The following PKD1 variants were observed in gnomAD, a reference collection of about 807,000 sequenced individuals.
PKD1 encodes the protein polycystin-1.
In PKD1, 81 loss-of-function variants were observed where a neutral mutation model predicts 361.7. The ratio of observed to expected loss-of-function variants is 0.22; its 90% CI spans 0.19 to 0.27. The LOEUF is 0.27. Among genes scored for constraint, PKD1 ranks in the 10% least tolerant of loss-of-function variants. The pLI is 1.00. For missense variants in PKD1, 6,399 were observed against 6,118.3 expected (o/e 1.05, Z -1.53); for synonymous variants, 3,615 against 2,818.3 (o/e 1.28, Z -8.95).
Position 2,116,549 on chromosome 16 carries a change from C to A in PKD1, c.1702G>T (p.Ala568Ser). ...TPLAQQDGLS[A>S]PHEPVEVMVF... ...ACTACCTCCACGGGCTCGTGCGGGG[C>A]TGAGAGGCCGTCCTGCTGTGCCAGA... The change falls in exon 8 of 46, where the codon GCC (alanine) becomes TCC (serine). Residue 568 changes from alanine (A) to serine (S), a missense_variant. Ala to Ser is a moderately conservative substitution (Grantham distance 99). Transcript: ENST00000262304. The A allele has an allele frequency of 6.4e-7, 1 of 1,554,344 alleles. No individual in the cohort carries two copies.
At position 2,114,420 on chromosome 16, in the gene PKD1, G is replaced by A; in HGVS notation, c.2603C>T (p.Ala868Val). 1.9e-6 allele frequency: 3 copies of A among 1,602,884 alleles called. No individual in the cohort carries two copies. The highest frequency in any genetic ancestry group is 2.5e-6 in the Non-Finnish European group (3 of 1,179,578). ...TARWPGGSVS[A>V]RFENVCPALV... ...GGCAGGGCAGACATTCTCAAAGCGG[G>A]CGCTGACACTGCCCCCAGGCCAGCG... Residue 868 changes from alanine to valine, a missense_variant, in exon 11 of 46, where the codon GCC becomes GTC. Coordinates refer to ENST00000262304, the MANE Select transcript of PKD1 (RefSeq NM_001009944.3).
intron 45 of PKD1, 23 bp downstream of exon 45, chr16:2,090,261 TC>T (rs547611708): frequency 5.6e-6 from 9 of 1,607,020 alleles, no homozygotes; most frequent in East Asian, 2.2e-5. Context: ...CGTGTCCCTC[TC>T]CCCCCCACTG....
chr16:2,125,080 C>G (rs1160610087), intron 1 of PKD1, among the ~76,000 whole-genome samples: 1 of 152,256 alleles, frequency 6.6e-6, no homozygotes, highest in Admixed American at 6.5e-5. Flanking sequence ...CTGGGCCAGC[C>G]GAGCCATGAC....
chr16:2,108,610 C>T lies in PKD1; in HGVS notation c.6557G>A (p.Arg2186His), dbSNP rs1046305889. ...RDCVTYQTEY[R>H]WEVYRTASCQ... ...GCTGGCGGTGCGATACACCTCCCAG[C>T]GGTACTCAGTCTGGTAGGTGACGCA... The change falls in exon 15 of 46, where the codon CGC becomes CAC. Residue 2186 changes from arginine (R) to histidine (H), a missense_variant. Transcript: ENST00000262304. 14 of 1,558,610 alleles carry T rather than the reference C, an allele frequency of 9.0e-6. No homozygotes were observed. The highest frequency in any genetic ancestry group is 1.4e-5 in the African/African-American group (1 of 73,872).
intron 38 of PKD1, 132 bp downstream of exon 38, chr16:2,092,822 G>T: frequency 3.5e-6 from 4 of 1,142,764 alleles, no homozygotes; most frequent in Non-Finnish European, 5.3e-6. Flanking sequence ...GCCTACTGAT[G>T]CCAGCAGCAC....
Position 2,108,576 on chromosome 16 carries a change from C to G in PKD1, c.6591G>C (p.Arg2197=), listed in dbSNP as rs1323419146. The part of the protein sequence containing the change: ...WEVYRTASCQ[R]PGRPARVALP... The stretch of plus-strand genomic sequence containing the variant: ...GGGCCACACGCGCTGGGCGCCCCGG[C>G]CGCTGGCAGCTGGCGGTGCGATACA... The change falls in exon 15 of 46, where the codon CGG becomes CGC. Residue 2197 remains arginine, a synonymous_variant. Coordinates refer to ENST00000262304, the MANE Select transcript of PKD1 (RefSeq NM_001009944.3). 6.4e-7 allele frequency: 1 copy of G among 1,563,190 alleles called. No individual in the cohort carries two copies. The highest frequency in any genetic ancestry group is 1.2e-5 in the South Asian group (1 of 86,216).
chr16:2,125,387 G>C (rs1438868954), intron 1 of PKD1, among the ~76,000 whole-genome samples: 1 of 152,166 alleles, frequency 6.6e-6, no homozygotes, highest in African/African-American at 2.4e-5. Flanking sequence ...GAGGGTCTCT[G>C]GGTCCCAGAC....
Position 2,091,897 on chromosome 16 carries a change from G to C in PKD1, c.11421C>G (p.Ser3807=). Residue 3807 remains serine, a synonymous_variant, in exon 41 of 46, where the codon TCC becomes TCG. Transcript: ENST00000262304. The part of the protein sequence containing the change: ...YSAPDLLGAW[S]WGSCAVYDSG... ...TGTCATACACGGCACAGGAGCCCCA[G>C]GACCATGCCCTGCCGGAGAGGGGTG... 6.2e-7 allele frequency: 1 copy of C among 1,611,586 alleles called. No homozygotes were observed. The highest frequency in any genetic ancestry group is 8.5e-7 in the Non-Finnish European group (1 of 1,179,622).
chr16:2,130,691 G>T (rs532589723), intron 1 of PKD1, among the ~76,000 whole-genome samples: 2,032 of 152,302 alleles, frequency 0.013, 35 homozygotes, highest in African/African-American at 0.044. Flanking sequence ...AGGCCTAGGG[G>T]TCGCTCCAGA....
chr16:2,092,010 C>T (rs2091609641), intron 40 of PKD1, 37 bp downstream of exon 40: 4 of 1,612,664 alleles, frequency 2.5e-6, no homozygotes, highest in Non-Finnish European at 3.4e-6. Flanking sequence ...ACTCCCTTGT[C>T]CTTGGCGTAG....
chr16:2,129,768 G>C (rs1175327341), intron 1 of PKD1, among the ~76,000 whole-genome samples: 1 of 151,376 alleles, frequency 6.6e-6, no homozygotes, highest in Non-Finnish European at 1.5e-5. Context: ...CCAGGCTGGT[G>C]TCAAACTCCT....
Position 2,097,823 on chromosome 16 carries a change from G to A in PKD1, c.10168-43C>T, listed in dbSNP as rs372230405. On this transcript the variant is annotated intron_variant, in intron 31 of 45. Coordinates refer to ENST00000262304, the MANE Select transcript of PKD1 (RefSeq NM_001009944.3). ...TCTTGAGTCCAAGCTGCGCCAAGGC[G>A]GCAGGACCCCCAGCCCAGCCCAGGA... The A allele has an allele frequency of 3.2e-5, 51 of 1,610,508 alleles. No individual in the cohort carries two copies. The highest frequency in any genetic ancestry group is 1.5e-4 in the African/African-American group (11 of 74,850).
In PKD1 at chr16:2,115,559, G is replaced by A. The variant is rs373353456; in HGVS notation, c.1916C>T (p.Ala639Val). 16 of 1,587,312 alleles carry A rather than the reference G, an allele frequency of 1.0e-5. No individual in the cohort carries two copies. Among genetic ancestry groups the A allele is most frequent in the Non-Finnish European group, 1.3e-5 (15 of 1,163,890 alleles). The change falls in exon 10 of 46, where the codon GCG (alanine) becomes GTG (valine). Residue 639 changes from alanine to valine, a missense_variant. Transcript: ENST00000262304. ...GCACCAGCGTCCCCCTGGCATGCACGCGGGGGCCAGCTGGGTCCTGTTGTC... is the reference window on the plus strand; with the variant it reads ...GCACCAGCGTCCCCCTGGCATGCACACGGGGGCCAGCTGGGTCCTGTTGTC... ...SPDNRTQLAP[A>V]CMPGGRWCPG...
In PKD1 at chr16:2,091,776, C is replaced by T. The variant is rs551733361; in HGVS notation, c.11537+5G>A. On this transcript the variant is annotated splice_donor_5th_base_variant and intron_variant, in intron 41 of 45. Transcript: ENST00000262304. ...CCCGGAGAGGGCAGGGGAGGGAGCT[C>T]CCACCTGTTGTCCAGCCAGTTGTGC... The T allele has an allele frequency of 1.9e-6, 3 of 1,608,326 alleles. No homozygotes were observed. Among genetic ancestry groups the T allele is most frequent in the East Asian group, 2.2e-5 (1 of 44,790 alleles).
chr16:2,106,583 C>T lies in PKD1; in HGVS notation c.7304G>A (p.Arg2435Gln), dbSNP rs754897464. The change falls in exon 18 of 46, where the codon CGG (arginine) becomes CAG (glutamine). Residue 2435 changes from arginine (R) to glutamine (Q), a missense_variant. By Grantham distance (43) the Arg-to-Gln change is conservative. Coordinates refer to ENST00000262304, the MANE Select transcript of PKD1 (RefSeq NM_001009944.3). The surrounding 1 kb of genome is among the most constrained non-coding windows in gnomAD (Gnocchi z 6.5). Reference sequence around the variant, plus strand: ...TCCCTCGCCGTCCCGCAGCACGCCCCGCCGCAGCACCAGTCGCATGCCTGC... The same window carrying T: ...TCCCTCGCCGTCCCGCAGCACGCCCTGCCGCAGCACCAGTCGCATGCCTGC... ...GSAGMRLVLR[R>Q]GVLRDGEGYT... 6.3e-6 allele frequency: 10 copies of T among 1,597,482 alleles called. No individual in the cohort carries two copies. The highest frequency in any genetic ancestry group is 4.5e-4 in the Middle Eastern group (2 of 4,424).
At position 2,119,328 on chromosome 16, in the gene PKD1, T is replaced by G. The variant is rs1434978033; in HGVS notation, c.266A>C (p.Asn89Thr). The change falls in exon 2 of 46, where the codon AAC becomes ACC. Residue 89 changes from asparagine (N) to threonine (T), a missense_variant. By Grantham distance (65) the Asn-to-Thr change is moderately conservative (BLOSUM62 0). Transcript: ENST00000262304. ...LRALDVGLLA[N>T]LSALAELDIS... ...TCACAGCTCTGCCAGCGCCGAGAGG[T>G]TCGCCAGGAGCCCAACGTCCAGCGC... is the stretch of plus-strand genomic sequence containing the variant. 39 of 1,355,602 alleles carry G rather than the reference T, an allele frequency of 2.9e-5. No individual in the cohort carries two copies. In the East Asian group the frequency reaches 9.0e-4, roughly 31 times the overall value. 84.0% of individuals were successfully genotyped at this position (1,355,602 alleles called of 1,614,324 possible).
In PKD1 at chr16:2,110,604, A is replaced by G. The variant is rs143843155; in HGVS notation, c.4563T>C (p.Gly1521=). The change falls in exon 15 of 46, where the codon GGT becomes GGC. Residue 1521 remains glycine, a synonymous_variant. Coordinates refer to ENST00000262304, the MANE Select transcript of PKD1 (RefSeq NM_001009944.3). ...AGCCGGCCACCCTAACGGTGAAGTC[A>G]CCTGTGCTGTTGTAAGCGTGGGTGA... is the stretch of plus-strand genomic sequence containing the variant. ...PEVTHAYNST[G]DFTVRVAGWN... The G allele has an allele frequency of 9.4e-4, 1,518 of 1,610,564 alleles. No individual in the cohort carries two copies. The highest frequency in any genetic ancestry group is 1.2e-3 in the Non-Finnish European group (1,430 of 1,179,628).
At position 2,108,396 on chromosome 16, in the gene PKD1, C is replaced by T. The variant is rs770172913; in HGVS notation, c.6771G>A (p.Val2257=). 5 of 1,610,486 alleles carry T rather than the reference C, an allele frequency of 3.1e-6. No homozygotes were observed. Among genetic ancestry groups the T allele is most frequent in the Non-Finnish European group, 4.2e-6 (5 of 1,179,766 alleles). The change falls in exon 15 of 46, where the codon GTG becomes GTA. Residue 2257 remains valine (V), a synonymous_variant. Coordinates refer to ENST00000262304, the MANE Select transcript of PKD1 (RefSeq NM_001009944.3). The part of the protein sequence containing the change: ...ANVTVAPERL[V]PIIEGGSYRV... Reference sequence around the variant, plus strand: ...GGTATGAGCCACCCTCAATGATGGGCACCAGGCGCTCGGGGGCCACCGTCA... The same window carrying T: ...GGTATGAGCCACCCTCAATGATGGGTACCAGGCGCTCGGGGGCCACCGTCA...
intron 38 of PKD1, 66 bp from the exon 39 acceptor site, chr16:2,092,658 C>T (rs2091650611): frequency 8.7e-7 from 1 of 1,143,954 alleles, no homozygotes; most frequent in East Asian, 2.5e-5. Context: ...TGAGCGGCCA[C>T]CAGAGACCCA....
Sources: gnomAD v4.1 joint callset for allele counts (sites outside exome capture counted in the v4.1 genomes callset) on GRCh38, gnomAD v4.1.1 for gene constraint, Gnocchi (gnomAD v3.1) non-coding constraint, MANE v1.5 for transcripts, NCBI Gene and HGNC (gene_info 2026-07-23, HGNC 2026-07-21) for gene names.